METTL6: variants seen among roughly 807,000 people sequenced by gnomAD.
METTL6 encodes methyltransferase 6, tRNA N3-cytidine.
In METTL6, 22 loss-of-function variants were observed where a neutral mutation model predicts 26.4. That is an observed-to-expected ratio of 0.83 (90% CI 0.59 to 1.19). The LOEUF is 1.19. METTL6 is among the 50% of genes most tolerant of loss of function. The pLI, the probability that METTL6 is intolerant of heterozygous loss-of-function variation, is 0.00. For missense variants in METTL6, 304 were observed against 324.8 expected, an observed-to-expected ratio of 0.94 and a Z score of 0.49; for synonymous variants, 109 against 116.2, an observed-to-expected ratio of 0.94 and a Z score of 0.40.
downstream of METTL6, among the ~76,000 whole-genome samples, chr3:15,407,561 T>C (rs1205388881): frequency 6.6e-6 from 1 of 152,160 alleles, no homozygotes; most frequent in East Asian, 1.9e-4. Flanking sequence ...GCCCAATAGC[T>C]ACCCTTCTAA....
chr3:15,408,251 TCATGCTGGACGCG>T (rs1699854377), downstream of METTL6, among the ~76,000 whole-genome samples: 3 of 152,138 alleles, frequency 2.0e-5, no homozygotes, highest in African/African-American at 4.8e-5. Flanking sequence ...GGGGTGCCAG[TCATGCTGGACGCG>T]TCATACAGGT....
chr3:15,391,649 TC>T (rs910955350), intron 6 of METTL6, among the ~76,000 whole-genome samples: 5 of 50,450 alleles, frequency 9.9e-5, no homozygotes, highest in Admixed American at 4.7e-4. Context: ...CCCTCCCCCC[TC>T]CCCCCACCCC....
intron 6 of METTL6, among the ~76,000 whole-genome samples, chr3:15,388,770 G>A (rs1274555964): frequency 4.6e-5 from 7 of 152,214 alleles, no homozygotes; most frequent in African/African-American, 1.7e-4. Flanking sequence ...AAGGGCGTTT[G>A]TTTTGGGAAA....
At chr3:15,387,211 C>T (rs1173861927) in intron 6 of METTL6, among the ~76,000 whole-genome samples, 1 of 152,196 alleles carries the variant, frequency 6.6e-6, no homozygotes, top group African/African-American at 2.4e-5. Flanking sequence ...CTGATGATCA[C>T]CTGACATTCC....
chr3:15,414,029 A>G lies in METTL6; in HGVS notation c.665T>C (p.Phe222Ser). 1 of 1,614,028 alleles carries G rather than the reference A, an allele frequency of 6.2e-7. No individual in the cohort carries two copies. The highest frequency in any genetic ancestry group is 1.1e-5 in the South Asian group (1 of 91,070). The part of the protein sequence containing the change: ...VRQDGTRSYF[F>S]TDDFLAQLFM... ...GATTCCATTCATCTTACCATCAGTAAAAAAATATGATCTGGTCCCATCTTG... is the reference window on the plus strand; with the variant it reads ...GATTCCATTCATCTTACCATCAGTAGAAAAATATGATCTGGTCCCATCTTG... Residue 222 changes from phenylalanine (F) to serine (S), a missense_variant, in exon 5 of 6, where the codon TTT becomes TCT. Coordinates refer to ENST00000383790, the MANE Select transcript of METTL6 (RefSeq NM_152396.4).
Position 15,415,719 on chromosome 3 carries a change from A to G in METTL6, c.531+53T>C. On this transcript the variant is annotated intron_variant, in intron 4 of 5. Coordinates refer to ENST00000383790, the MANE Select transcript of METTL6 (RefSeq NM_152396.4). The stretch of plus-strand genomic sequence containing the variant: ...TACATGAGCCTCATGAGGGAAGGTA[A>G]GTAAAAGAATCCAGACTGTCCAACC... The G allele has an allele frequency of 5.6e-6, 9 of 1,600,320 alleles. No individual in the cohort carries two copies. The South Asian group carries it at 9.0e-5, about 16-fold the overall frequency.
At chr3:15,400,058 T>C (rs1314126705) in intron 6 of METTL6, among the ~76,000 whole-genome samples, 1 of 152,042 alleles carries the variant, frequency 6.6e-6, no homozygotes, top group East Asian at 1.9e-4. Context: ...AAAAATCATA[T>C]CACAGGAAGA....
intron 5 of METTL6, among the ~76,000 whole-genome samples, chr3:15,413,179 G>C (rs1056195286): frequency 6.6e-6 from 1 of 152,042 alleles, no homozygotes; most frequent in Non-Finnish European, 1.5e-5. Context: ...TGGGTGGTGG[G>C]GGTTGCAGTG....
At chr3:15,415,224 T>C (rs1469069406) in intron 4 of METTL6, among the ~76,000 whole-genome samples, 1 of 152,242 alleles carries the variant, frequency 6.6e-6, no homozygotes, top group African/African-American at 2.4e-5. Context: ...CATTTTCTCA[T>C]TGTATCTTCA....
intron 3 of METTL6, among the ~76,000 whole-genome samples, chr3:15,422,339 T>C (rs1238696914): frequency 2.0e-5 from 3 of 150,404 alleles, no homozygotes; most frequent in African/African-American, 7.3e-5. Flanking sequence ...AAATAAAAAA[T>C]AAAAATAGGC....
chr3:15,426,310 C>G lies in METTL6; in HGVS notation c.202G>C (p.Glu68Gln). 6.2e-7 allele frequency: 1 copy of G among 1,614,200 alleles called. No individual in the cohort carries two copies. ...ACCTCTCTACATGATCTTAGCTCCT[C>G]AAACTCTCTGGTGGTCCAGTGTCTG... ...KDRHWTTREF[E>Q]ELRSCREFED... Residue 68 changes from glutamate (E) to glutamine (Q), a missense_variant, in exon 2 of 6, where the codon GAG becomes CAG. Coordinates refer to ENST00000383790, the MANE Select transcript of METTL6 (RefSeq NM_152396.4).
chr3:15,385,518 A>T (rs898228523), intron 6 of METTL6, among the ~76,000 whole-genome samples: 1 of 152,092 alleles, frequency 6.6e-6, no homozygotes, highest in African/African-American at 2.4e-5. Context: ...GAATTGCTTG[A>T]ACTCGGGAGG....
At position 15,411,118 on chromosome 3, in the gene METTL6, C is replaced by T; in HGVS notation, c.*138G>A. On this transcript the variant is annotated 3_prime_UTR_variant, in exon 6 of 6. Coordinates refer to ENST00000383790, the MANE Select transcript of METTL6 (RefSeq NM_152396.4). ...CCATGTTGGCCAGGCTGGTCTCAAA[C>T]TCCTGACCTCAGATGATCCCCCAAC... The T allele has an allele frequency of 2.1e-6, 2 of 932,722 alleles. No homozygotes were observed. Among genetic ancestry groups the T allele is most frequent in the Non-Finnish European group, 3.1e-6 (2 of 640,252 alleles). 57.8% of individuals were successfully genotyped at this position (932,722 alleles called of 1,614,324 possible).
chr3:15,398,076 AACT>A (rs1035333367), intron 6 of METTL6, among the ~76,000 whole-genome samples: 1 of 151,652 alleles, frequency 6.6e-6, no homozygotes, highest in Non-Finnish European at 1.5e-5. Context: ...CTTTCCCCCA[AACT>A]ACCTTTGAAA....
intron 6 of METTL6, among the ~76,000 whole-genome samples, chr3:15,392,000 T>C (rs1196092407): frequency 2.6e-5 from 4 of 152,192 alleles, no homozygotes; most frequent in Non-Finnish European, 5.9e-5. Flanking sequence ...TTATAATCCT[T>C]TGGGTATATA....
chr3:15,411,755 T>A (rs1699974194), intron 5 of METTL6, among the ~76,000 whole-genome samples: 1 of 152,032 alleles, frequency 6.6e-6, no homozygotes, highest in Non-Finnish European at 1.5e-5. Context: ...ATTCCTTTTT[T>A]TTTTTAATTA....
At chr3:15,402,319 G>A (rs568141032) in intron 6 of METTL6, among the ~76,000 whole-genome samples, 1 of 152,326 alleles carries the variant, frequency 6.6e-6, no homozygotes, top group African/African-American at 2.4e-5. Context: ...GGAATGGGGA[G>A]TGCCCATTAG....
intron 3 of METTL6, among the ~76,000 whole-genome samples, chr3:15,424,153 T>A (rs951007716): frequency 1.3e-5 from 2 of 150,848 alleles, no homozygotes; most frequent in Non-Finnish European, 3.0e-5. Flanking sequence ...GCATTTCAAC[T>A]GGGTGACAAA....
chr3:15,384,386 C>A (rs1374245367), intron 6 of METTL6: 1 of 173,860 alleles, frequency 5.8e-6, no homozygotes, highest in Admixed American at 6.1e-5. Context: ...AGATAGAGAC[C>A]AAAACAGGAA....
Sources: gnomAD v4.1 joint callset for allele counts (sites outside exome capture counted in the v4.1 genomes callset) on GRCh38, gnomAD v4.1.1 for gene constraint, MANE v1.5 for transcripts, NCBI Gene and HGNC (gene_info 2026-07-23, HGNC 2026-07-21) for gene names.